Variants in APBB2 observed in about 807,000 individuals in gnomAD.
APBB2 encodes amyloid beta precursor protein binding family B member 2.
In APBB2, 38 loss-of-function variants were observed where a neutral mutation model predicts 82.5. That is an observed-to-expected ratio of 0.46 (90% CI 0.36 to 0.60). The LOEUF is 0.60. APBB2 is among the 20% of genes least tolerant of loss of function. The probability of loss-of-function intolerance (pLI) is 0.00; values close to 1 mark genes in which losing one functional copy is unlikely to be tolerated. For synonymous variants in APBB2, 341 were observed against 368.2 expected (o/e 0.93, Z 0.85); for missense variants, 772 against 972.3 (o/e 0.79, Z 2.74).
At chr4:40,885,867 G>A (rs373546969) in intron 12 of APBB2, among the ~76,000 whole-genome samples, 1 of 152,074 alleles carries the variant, frequency 6.6e-6, no homozygotes, top group Non-Finnish European at 1.5e-5. Flanking sequence ...GCATCTCAGC[G>A]TAGGAAAACC....
At chr4:41,189,000 C>T (rs1156754791) in intron 1 of APBB2, among the ~76,000 whole-genome samples, 1 of 152,140 alleles carries the variant, frequency 6.6e-6, no homozygotes, top group East Asian at 1.9e-4. Context: ...ATTAAACAAC[C>T]TACACACCCC....
chr4:41,161,169 GCAAAAA>G (rs1560918352), intron 1 of APBB2, among the ~76,000 whole-genome samples: 1 of 58,182 alleles, frequency 1.7e-5, no homozygotes, highest in Non-Finnish European at 3.0e-5. Context: ...CTCTTCCCTG[GCAAAAA>G]AAAAAAAAAA....
chr4:41,097,648 C>G (rs1743973258), intron 3 of APBB2, among the ~76,000 whole-genome samples: 1 of 152,072 alleles, frequency 6.6e-6, no homozygotes, highest in South Asian at 2.1e-4. Flanking sequence ...TAATAAAATA[C>G]AAATTTTACT....
chr4:40,825,878 T>A lies in APBB2; in HGVS notation c.1816+9A>T, dbSNP rs1749745910. On this transcript the variant is annotated intron_variant, in intron 15 of 17. Transcript: ENST00000508593. ...TGCAAAGTGGAAAGACAATAAACAT[T>A]TCACATACCGACTGGTTTGTCTACA... 1 of 1,612,456 alleles carries A rather than the reference T, an allele frequency of 6.2e-7. No individual in the cohort carries two copies. The highest frequency in any genetic ancestry group is 1.3e-5 in the African/African-American group (1 of 75,010).
chr4:41,076,792 T>C (rs961010157), intron 3 of APBB2, among the ~76,000 whole-genome samples: 8 of 151,986 alleles, frequency 5.3e-5, no homozygotes, highest in Non-Finnish European at 1.2e-4. Context: ...ACTTCAAATA[T>C]ACATAATTAA....
rs531686601 is a variant in APBB2, at chr4:40,815,678, A to G, written c.*414T>C. Reference sequence around the variant, plus strand: ...CTACTCCAATGTTGAAAACAGGGCAAAGTGCTGTAGGACTTAAAGGTTGCT... The same window carrying G: ...CTACTCCAATGTTGAAAACAGGGCAGAGTGCTGTAGGACTTAAAGGTTGCT... On this transcript the variant is annotated 3_prime_UTR_variant, in exon 18 of 18. Coordinates refer to ENST00000508593, the MANE Select transcript of APBB2 (RefSeq NM_004307.2). The G allele has an allele frequency of 5.8e-6, 1 of 173,080 alleles. No homozygotes were observed. The highest frequency in any genetic ancestry group is 1.4e-4 in the East Asian group (1 of 7,204). The allele number at this position is 173,080 out of a possible 1,614,324, so 10.7% of individuals were successfully genotyped here. A position where few individuals can be genotyped will look rare whatever the true frequency, so the allele number is the denominator to read the frequency against.
At chr4:40,881,138 G>T in intron 12 of APBB2, 1 of 985,360 alleles carries the variant, frequency 1.0e-6, no homozygotes, top group Non-Finnish European at 1.2e-6. Flanking sequence ...TCAGCAAAAC[G>T]GTCAAGTAAA....
chr4:40,915,074 C>T (rs1327779730), intron 10 of APBB2, among the ~76,000 whole-genome samples: 1 of 152,196 alleles, frequency 6.6e-6, no homozygotes. Context: ...TGTGAAATAC[C>T]TCTCAAACAC....
chr4:40,935,209 A>G (rs1785104518), intron 7 of APBB2, 70 bp from the exon 8 acceptor site: 1 of 1,147,400 alleles, frequency 8.7e-7, no homozygotes, highest in Non-Finnish European at 1.2e-6. Context: ...AAAGAAAAAA[A>G]AAAAACACAA....
At chr4:40,891,894 GA>G (rs1336049821) in intron 11 of APBB2, among the ~76,000 whole-genome samples, 1 of 151,780 alleles carries the variant, frequency 6.6e-6, no homozygotes. Context: ...AGTTTTGACT[GA>G]AGGAGAGAGA....
chr4:40,891,604 A>G (rs939933661), intron 11 of APBB2, among the ~76,000 whole-genome samples: 3 of 152,216 alleles, frequency 2.0e-5, no homozygotes, highest in African/African-American at 7.2e-5. Context: ...AGAAATAGGT[A>G]TCTCAGTGCC....
chr4:40,863,891 C>CAAAAAAA lies in APBB2; in HGVS notation c.1529+26466_1529+26472dup, dbSNP rs60135616. On this transcript the variant is annotated intron_variant, in intron 12 of 17. Transcript: ENST00000508593. The stretch of plus-strand genomic sequence containing the variant: ...CCTGGGTGACAGAGGGAGACTGTCT[C>CAAAAAAA]AAAAAAAAAAAAAAAAAAAAAAAAA... Among the ~76,000 whole-genome samples the CAAAAAAA allele has an allele frequency of 3.7e-3, 121 of 32,974 alleles. 7 individuals carry two copies. The highest frequency in any genetic ancestry group is 4.4e-3 in the Non-Finnish European group (80 of 18,230). The allele number at this position is 32,974 out of a possible 152,430, so 21.6% of individuals were successfully genotyped here.
At chr4:40,946,193 T>C (rs961474655) in intron 6 of APBB2, among the ~76,000 whole-genome samples, 6 of 141,180 alleles carry the variant, frequency 4.2e-5, no homozygotes, top group Non-Finnish European at 9.0e-5. Context: ...GATCACACCG[T>C]TGCGCTCCAG....
At chr4:41,115,249 C>A (rs183100852) in intron 2 of APBB2, among the ~76,000 whole-genome samples, 1 of 152,112 alleles carries the variant, frequency 6.6e-6, no homozygotes, top group Non-Finnish European at 1.5e-5. Flanking sequence ...ATAAATGGTG[C>A]TGGGAAAACT....
intron 1 of APBB2, among the ~76,000 whole-genome samples, chr4:41,145,944 C>A (rs554865961): frequency 6.6e-6 from 1 of 152,300 alleles, no homozygotes; most frequent in Admixed American, 6.5e-5. Context: ...AATCCTAGCA[C>A]TTTGGGAGGC....
chr4:40,990,802 T>C (rs1259297953), intron 6 of APBB2, among the ~76,000 whole-genome samples: 1 of 152,128 alleles, frequency 6.6e-6, no homozygotes, highest in African/African-American at 2.4e-5. Flanking sequence ...TACTCCAAAC[T>C]GTATGTGGCA....
At chr4:40,833,480 G>A (rs1044443540) in intron 12 of APBB2, among the ~76,000 whole-genome samples, 3 of 152,164 alleles carry the variant, frequency 2.0e-5, no homozygotes, top group Non-Finnish European at 4.4e-5. Flanking sequence ...GGTCCGCCTG[G>A]TCCTCTGGCC....
At chr4:40,890,780 A>G (rs1034884274) in intron 11 of APBB2, 15 of 280,598 alleles carry the variant, frequency 5.3e-5, no homozygotes, top group African/African-American at 3.1e-4. Flanking sequence ...CTTTACGACA[A>G]AAGGCTAATT....
intron 4 of APBB2, among the ~76,000 whole-genome samples, chr4:41,054,492 G>C (rs927163276): frequency 2.6e-5 from 4 of 152,180 alleles, no homozygotes; most frequent in African/African-American, 9.7e-5. Context: ...TGGGCAGTGA[G>C]TGGGCAATTA....
Sources: gnomAD v4.1 joint callset for allele counts (sites outside exome capture counted in the v4.1 genomes callset) on GRCh38, gnomAD v4.1.1 for gene constraint, MANE v1.5 for transcripts, NCBI Gene and HGNC (gene_info 2026-07-23, HGNC 2026-07-21) for gene names.